MYO16: variants seen among roughly 807,000 people sequenced by gnomAD.
MYO16 encodes the protein unconventional myosin-XVI.
Under a neutral mutation model 205.3 loss-of-function variants are expected in MYO16, and 94 were observed. That is an observed-to-expected ratio of 0.46 (90% CI 0.39 to 0.54). MYO16 has a LOEUF of 0.54. Ranked by LOEUF, MYO16 falls within the 20% of genes least tolerant of loss-of-function variation. The probability of loss-of-function intolerance (pLI) is 0.00; values close to 1 mark genes in which losing one functional copy is unlikely to be tolerated. For synonymous variants in MYO16, 988 were observed against 954.0 expected, an observed-to-expected ratio of 1.04 and a Z score of -0.66; for missense variants, 2,315 against 2,387.5, an observed-to-expected ratio of 0.97 and a Z score of 0.63.
At chr13:108,651,203 G>A (rs898118262) in intron 1 of MYO16, among the ~76,000 whole-genome samples, 4 of 152,146 alleles carry the variant, frequency 2.6e-5, no homozygotes, top group African/African-American at 7.2e-5. Flanking sequence ...CACTCTGTGC[G>A]CTGGGGCCTT....
intron 4 of MYO16, among the ~76,000 whole-genome samples, chr13:108,758,399 C>A (rs1040081608): frequency 6.6e-6 from 1 of 152,080 alleles, no homozygotes; most frequent in African/African-American, 2.4e-5. Flanking sequence ...TATTTTGCCA[C>A]CAGTGACTTT....
At chr13:108,738,408 G>T (rs4772989) in intron 4 of MYO16, among the ~76,000 whole-genome samples, 4 of 151,920 alleles carry the variant, frequency 2.6e-5, no homozygotes, top group African/African-American at 7.3e-5. Context: ...TAGTCATTCA[G>T]GAGCAGGTTG....
Position 109,176,577 on chromosome 13 carries a change from TAAAAA to T in MYO16, c.5324-2945_5324-2941del, listed in dbSNP as rs36054088. ...GCAGCTAAATAAAATATTGTGCTGG[TAAAAA>T]AAAAAAAAAAAAAAAAAAAGACCTC... On this transcript the variant is annotated intron_variant, in intron 33 of 34. Coordinates refer to ENST00000457511, the MANE Select transcript of MYO16 (RefSeq NM_001198950.3). 3.1e-4 allele frequency among the ~76,000 whole-genome samples: 14 copies of T among 44,948 alleles called. 1 individual carries two copies. The highest frequency in any genetic ancestry group is 3.1e-3 in the East Asian group (2 of 638). The allele number at this position is 44,948 out of a possible 152,430, so 29.5% of individuals were successfully genotyped here. A position where few individuals can be genotyped will look rare whatever the true frequency, so the allele number is the denominator to read the frequency against.
intron 4 of MYO16, among the ~76,000 whole-genome samples, chr13:108,729,745 G>T (rs1185765015): frequency 6.6e-6 from 1 of 152,136 alleles, no homozygotes; most frequent in African/African-American, 2.4e-5. Flanking sequence ...GTTCAGAAAG[G>T]TTTGTGAGAT....
intron 34 of MYO16, among the ~76,000 whole-genome samples, chr13:109,204,321 T>C (rs1000247305): frequency 6.6e-6 from 1 of 152,238 alleles, no homozygotes; most frequent in African/African-American, 2.4e-5. Context: ...AGTTAAATGT[T>C]GTTTCCTGAT....
intron 16 of MYO16, among the ~76,000 whole-genome samples, chr13:108,924,876 C>T (rs1881919350): frequency 6.6e-6 from 1 of 152,202 alleles, no homozygotes; most frequent in Non-Finnish European, 1.5e-5. Flanking sequence ...TAATTCATAG[C>T]AGCGAATAAA....
chr13:108,866,093 A>G lies in MYO16; in HGVS notation c.1360-84A>G, dbSNP rs564429167. 16 of 859,600 alleles carry G rather than the reference A, an allele frequency of 1.9e-5. No homozygotes were observed. In the South Asian group the frequency reaches 5.0e-4, roughly 27 times the overall value. 53.2% of individuals were successfully genotyped at this position (859,600 alleles called of 1,614,324 possible). On this transcript the variant is annotated intron_variant, in intron 11 of 34. Coordinates refer to ENST00000457511, the MANE Select transcript of MYO16 (RefSeq NM_001198950.3). Reference sequence around the variant, plus strand: ...TTTTCTTATTATTTATATTTCATACACTGGTTTTTAAATTGTATGATTTTT... The same window carrying G: ...TTTTCTTATTATTTATATTTCATACGCTGGTTTTTAAATTGTATGATTTTT...
rs375463509 is a variant in MYO16 at position 108,859,607 on chromosome 13, A to G, written c.1359+4054A>G. ...GTCTGCAGTATTAGGGAGTTCTCCAACCTTCAAACAGAAAATGAAATGCGT... is the reference window on the plus strand; with the variant it reads ...GTCTGCAGTATTAGGGAGTTCTCCAGCCTTCAAACAGAAAATGAAATGCGT... On this transcript the variant is annotated intron_variant, in intron 11 of 34. Transcript: ENST00000457511. Among the ~76,000 whole-genome samples the G allele has an allele frequency of 7.2e-5, 11 of 152,258 alleles. No homozygotes were observed. The South Asian group carries it at 8.3e-4, about 11-fold the overall frequency.
intron 3 of MYO16, among the ~76,000 whole-genome samples, chr13:108,726,978 T>C (rs773254251): frequency 1.3e-5 from 2 of 151,100 alleles, no homozygotes; most frequent in African/African-American, 2.4e-5. Flanking sequence ...AGGGATTAAG[T>C]TAGAGGGATT....
chr13:108,875,208 A>G (rs186846824), intron 12 of MYO16, among the ~76,000 whole-genome samples: 7 of 152,288 alleles, frequency 4.6e-5, no homozygotes, highest in Non-Finnish European at 8.8e-5. Context: ...TCTTGTTTCA[A>G]TTGATACAAA....
chr13:108,576,798 G>A, the MYO16 span, among the ~76,000 whole-genome samples: 1 of 151,928 alleles, frequency 6.6e-6, no homozygotes, highest in African/African-American at 2.4e-5. Context: ...ATCTCGCTGT[G>A]TTGCCCAGGC....
At chr13:108,582,359 T>C in the MYO16 span, among the ~76,000 whole-genome samples, 2 of 152,118 alleles carry the variant, frequency 1.3e-5, no homozygotes, top group Non-Finnish European at 2.9e-5. Flanking sequence ...GTTCAGTCCG[T>C]TCCATATGAC....
the MYO16 span, among the ~76,000 whole-genome samples, chr13:108,510,056 A>C: frequency 7.9e-5 from 12 of 152,148 alleles, no homozygotes; most frequent in Non-Finnish European, 2.9e-5. Context: ...TCTGCCCTAG[A>C]ATGCTTGTGG....
chr13:108,528,954 A>G, the MYO16 span, among the ~76,000 whole-genome samples: 1 of 151,810 alleles, frequency 6.6e-6, no homozygotes, highest in Non-Finnish European at 1.5e-5. Context: ...TGACGACTCG[A>G]TGGCAACATT....
At chr13:109,073,608 G>A (rs1284571287) in intron 27 of MYO16, among the ~76,000 whole-genome samples, 1 of 152,134 alleles carries the variant, frequency 6.6e-6, no homozygotes, top group Non-Finnish European at 1.5e-5. Flanking sequence ...TAGAAATAGG[G>A]TGATTTGGTG....
At chr13:108,624,172 G>C (rs1245242308) in intron 1 of MYO16, among the ~76,000 whole-genome samples, 1 of 152,084 alleles carries the variant, frequency 6.6e-6, no homozygotes, top group Non-Finnish European at 1.5e-5. Context: ...GGAAAATTAA[G>C]AATATCTTTT....
At chr13:108,562,507 A>T in the MYO16 span, among the ~76,000 whole-genome samples, 10 of 152,268 alleles carry the variant, frequency 6.6e-5, no homozygotes, top group East Asian at 1.7e-3. Flanking sequence ...GGTTTTAAGG[A>T]TGGCATATTT....
At chr13:108,815,893 G>C (rs942253838) in intron 7 of MYO16, among the ~76,000 whole-genome samples, 5 of 152,152 alleles carry the variant, frequency 3.3e-5, no homozygotes, top group Admixed American at 1.3e-4. Flanking sequence ...CCACTTGTAA[G>C]ATTTCAAAAC....
chr13:109,139,388 T>C (rs529238333), intron 31 of MYO16, among the ~76,000 whole-genome samples: 4 of 152,342 alleles, frequency 2.6e-5, no homozygotes, highest in Admixed American at 6.5e-5. Context: ...ATACCTTATG[T>C]CACACCTGTT....
Sources: allele counts gnomAD v4.1 joint callset (sites outside exome capture counted in the v4.1 genomes callset), GRCh38; gene constraint gnomAD v4.1.1; transcripts MANE v1.5; gene names NCBI Gene and HGNC (gene_info 2026-07-23, HGNC 2026-07-21).